The following PCLO variants were observed in gnomAD, a reference collection of about 807,000 sequenced individuals.
PCLO encodes the protein piccolo presynaptic cytomatrix protein, also known as protein piccolo.
In PCLO, 82 loss-of-function variants were observed where a neutral mutation model predicts 427.5. The ratio of observed to expected loss-of-function variants is 0.19; its 90% CI spans 0.16 to 0.23. PCLO has a LOEUF of 0.23. Ranked by LOEUF, PCLO falls within the 10% of genes least tolerant of loss-of-function variation. The probability of loss-of-function intolerance (pLI) is 1.00; values close to 1 mark genes in which losing one functional copy is unlikely to be tolerated. For missense variants in PCLO, 6,239 were observed against 6,115.9 expected (o/e 1.02, Z -0.67); for synonymous variants, 2,357 against 2,155.4 (o/e 1.09, Z -2.59).
chr7:82,818,944 A>C (rs1245773525), intron 20 of PCLO, among the ~76,000 whole-genome samples: 1 of 152,198 alleles, frequency 6.6e-6, no homozygotes, highest in Non-Finnish European at 1.5e-5. Flanking sequence ...CTCAACACTT[A>C]TGATTATTAC....
intron 22 of PCLO, among the ~76,000 whole-genome samples, chr7:82,780,064 T>C (rs1790840278): frequency 6.6e-6 from 1 of 152,196 alleles, no homozygotes; most frequent in South Asian, 2.1e-4. Flanking sequence ...TCTTTCTCAC[T>C]AAAAGTTCAG....
chr7:83,061,577 C>T (rs780519064), intron 3 of PCLO, among the ~76,000 whole-genome samples: 3 of 152,116 alleles, frequency 2.0e-5, no homozygotes, highest in East Asian at 1.9e-4. Context: ...TTAGGGACCA[C>T]CTTAAAAATT....
chr7:83,051,107 A>G (rs1789243322), intron 3 of PCLO, among the ~76,000 whole-genome samples: 2 of 152,156 alleles, frequency 1.3e-5, no homozygotes, highest in East Asian at 1.9e-4. Context: ...AGCTAACACC[A>G]TAATTAATGG....
intron 1 of PCLO, among the ~76,000 whole-genome samples, chr7:83,159,363 T>C (rs1792377722): frequency 6.6e-6 from 1 of 152,100 alleles, no homozygotes; most frequent in Non-Finnish European, 1.5e-5. Context: ...TTATTAAATA[T>C]TCTACTAATC....
intron 3 of PCLO, among the ~76,000 whole-genome samples, chr7:83,012,621 G>GAA (rs537818971): frequency 1.0e-4 from 7 of 66,734 alleles, no homozygotes; most frequent in Admixed American, 1.9e-4. Context: ...CTGTCTCAAG[G>GAA]AAAAAAAAAA....
At chr7:83,147,865 G>C (rs1230709385) in intron 2 of PCLO, among the ~76,000 whole-genome samples, 1 of 151,944 alleles carries the variant, frequency 6.6e-6, no homozygotes, top group Non-Finnish European at 1.5e-5. Flanking sequence ...ATTAACTTTT[G>C]CTTTTAGTTT....
chr7:82,937,336 GTTT>G (rs199635218), intron 6 of PCLO, among the ~76,000 whole-genome samples: 1 of 137,496 alleles, frequency 7.3e-6, no homozygotes, highest in Admixed American at 7.2e-5. Context: ...CCACACTACA[GTTT>G]TTTTTTTTTT....
intron 6 of PCLO, among the ~76,000 whole-genome samples, chr7:82,932,012 G>C (rs1258733981): frequency 1.3e-5 from 2 of 152,136 alleles, no homozygotes; most frequent in Admixed American, 6.6e-5. Context: ...GGCATATTCA[G>C]TGGCTAAAAT....
At chr7:82,776,049 T>A (rs1790742255) in intron 22 of PCLO, among the ~76,000 whole-genome samples, 1 of 152,180 alleles carries the variant, frequency 6.6e-6, no homozygotes, top group East Asian at 1.9e-4. Flanking sequence ...AATAAATTCT[T>A]ATTAGTTTTA....
At chr7:83,153,419 GCAT>G (rs1712451496) in intron 2 of PCLO, among the ~76,000 whole-genome samples, 1 of 151,900 alleles carries the variant, frequency 6.6e-6, no homozygotes, top group South Asian at 2.1e-4. Flanking sequence ...TTTTAAATTT[GCAT>G]CATTTTTCAT....
intron 4 of PCLO, among the ~76,000 whole-genome samples, chr7:82,960,494 T>C (rs1252819403): frequency 1.3e-5 from 2 of 152,192 alleles, no homozygotes; most frequent in East Asian, 1.9e-4. Flanking sequence ...GTTCCAAGTT[T>C]GGTTTCTATG....
intron 3 of PCLO, among the ~76,000 whole-genome samples, chr7:83,120,180 T>C (rs1310536492): frequency 6.6e-6 from 1 of 151,800 alleles, no homozygotes; most frequent in Admixed American, 6.6e-5. Flanking sequence ...AGGTGGCAGA[T>C]CTCTTGAAGT....
rs762687315 is a variant in PCLO at position 82,954,667 on chromosome 7, T to C, written c.6286A>G (p.Met2096Val). The C allele has an allele frequency of 9.9e-6, 16 of 1,613,674 alleles. No individual in the cohort carries two copies. The Admixed American group carries it at 1.7e-4, about 17-fold the overall frequency. ...PIGEDMTEST[M>V]DFDRMPDASL... ...GCATCTGGCATTCTGTCAAAGTCCA[T>C]GGTGGACTCTGTCATATCCTCACCA... is the stretch of plus-strand genomic sequence containing the variant. The change falls in exon 5 of 25, where the codon ATG becomes GTG. Residue 2096 changes from methionine to valine, a missense_variant. Met to Val is a conservative substitution (Grantham distance 21). Around this residue, in one of 5 missense-constraint regions of PCLO, gnomAD observed 4,677 missense variants for 4,468.4 expected, o/e 1.05. Coordinates refer to ENST00000333891, the MANE Select transcript of PCLO (RefSeq NM_033026.6).
chr7:82,822,528 C>A lies in PCLO; in HGVS notation c.14758G>T (p.Glu4920Ter), dbSNP rs1554336473. 1 of 1,613,846 alleles carries A rather than the reference C, an allele frequency of 6.2e-7. No homozygotes were observed. Among genetic ancestry groups the A allele is most frequent in the Non-Finnish European group, 8.5e-7 (1 of 1,179,848 alleles). The change falls in exon 20 of 25, where the codon GAA becomes TAA. Residue 4920 changes from glutamate (E) to a stop codon, truncating the protein, a stop_gained. Transcript: ENST00000333891. LOFTEE classifies it high-confidence loss of function. Reference protein sequence around the residue: ...EDAGAAIAAAEAAVQQLRIQP... With the variant: ...EDAGAAIAAA ...ATGCGGAGTTGTTGCACGGCAGCTTCGGCAGCAGCTATGGCAGCCCCTGCA... is the reference window on the plus strand; with the variant it reads ...ATGCGGAGTTGTTGCACGGCAGCTTAGGCAGCAGCTATGGCAGCCCCTGCA...
intron 3 of PCLO, among the ~76,000 whole-genome samples, chr7:83,019,198 T>G (rs1164772797): frequency 6.6e-6 from 1 of 152,058 alleles, no homozygotes; most frequent in Non-Finnish European, 1.5e-5. Context: ...AATTTTTAGT[T>G]CCCTCAATAT....
intron 6 of PCLO, among the ~76,000 whole-genome samples, chr7:82,940,302 G>A (rs58045598): frequency 0.12 from 18,242 of 152,114 alleles, 1,568 homozygotes; most frequent in African/African-American, 0.23. Flanking sequence ...ATTTTAATAC[G>A]TGTCACACTG....
chr7:82,965,816 T>C lies in PCLO; in HGVS notation c.3972A>G (p.Pro1324=), dbSNP rs1471526318. ...CCACCTGATCAGGTTTTGCTGTGCA[T>C]GGTGGCTGTGGCTGTTCTTTTATTG... is the stretch of plus-strand genomic sequence containing the variant. The part of the protein sequence containing the change: ...TKTIKEQPQP[P]CTAKPDQVEP... Residue 1324 remains proline, a synonymous_variant, in exon 4 of 25, where the codon CCA becomes CCG. Transcript: ENST00000333891. 2 of 1,613,570 alleles carry C rather than the reference T, an allele frequency of 1.2e-6. No homozygotes were observed. Among genetic ancestry groups the C allele is most frequent in the Non-Finnish European group, 1.7e-6 (2 of 1,179,794 alleles).
rs761551060 is a variant in PCLO, at chr7:82,956,219, G to T, written c.4734C>A (p.Ile1578=). 4.3e-6 allele frequency: 7 copies of T among 1,610,636 alleles called. No individual in the cohort carries two copies. In the Admixed American group the frequency reaches 1.2e-4, roughly 27 times the overall value. The stretch of plus-strand genomic sequence containing the variant: ...TACTAATCTCTTTGAGCTGGTTTCT[G>T]ATGAACTCATCATCTTCAGAACCTG... ...DASGSEDDEF[I]RNQLKEISSS... Residue 1578 remains isoleucine (I), a synonymous_variant, in exon 5 of 25, where the codon ATC becomes ATA. Coordinates refer to ENST00000333891, the MANE Select transcript of PCLO (RefSeq NM_033026.6).
At chr7:82,864,360 C>T (rs1228120162) in intron 10 of PCLO, among the ~76,000 whole-genome samples, 2 of 152,032 alleles carry the variant, frequency 1.3e-5, no homozygotes, top group East Asian at 1.9e-4. Context: ...CAAATGCTCA[C>T]AGAAGGCAAA....
Sources: gnomAD v4.1 joint callset for allele counts (sites outside exome capture counted in the v4.1 genomes callset) on GRCh38, gnomAD v4.1.1 for gene constraint, gnomAD v4.1.1 regional missense constraint, MANE v1.5 for transcripts, NCBI Gene and HGNC (gene_info 2026-07-23, HGNC 2026-07-21) for gene names.